The following NCAN variants were observed in gnomAD, a reference collection of about 807,000 sequenced individuals.
NCAN encodes neurocan core protein.
A neutral mutation model predicts 121.8 loss-of-function variants in NCAN; 47 were observed. The observed-to-expected ratio is 0.39, with a 90% CI of 0.31 to 0.49. The LOEUF (loss-of-function observed/expected upper bound fraction) is 0.49, where lower values mean the gene tolerates loss of function less well. Ranked by LOEUF, NCAN falls within the 20% of genes least tolerant of loss-of-function variation. The probability of loss-of-function intolerance (pLI) is 0.92; values close to 1 mark genes in which losing one functional copy is unlikely to be tolerated. For synonymous variants in NCAN, 633 were observed against 702.0 expected (o/e 0.90, Z 1.55); for missense variants, 1,517 against 1,773.4 (o/e 0.86, Z 2.60).
chr19:19,228,371 G>A lies in NCAN; in HGVS notation c.2751G>A (p.Pro917=), dbSNP rs764591928. 3.0e-5 allele frequency: 49 copies of A among 1,613,700 alleles called. No homozygotes were observed. Among genetic ancestry groups the A allele is most frequent in the East Asian group, 2.0e-4 (9 of 44,898 alleles). ...GAACATCAGGAGCTTCAGTGCCTCC[G>A]CATCAGAGCAGTCCCCTAGGGAAAC... ...TQGTSGASVP[P]HQSSPLGKPA... The change falls in exon 8 of 15, where the codon CCG becomes CCA. Residue 917 remains proline (P), a synonymous_variant. Transcript: ENST00000252575.
intron 3 of NCAN, among the ~76,000 whole-genome samples, chr19:19,220,350 A>C (rs1209797508): frequency 6.6e-6 from 1 of 151,706 alleles, no homozygotes; most frequent in African/African-American, 2.4e-5. Flanking sequence ...AATAAACTTA[A>C]GTTTTTTTCT....
chr19:19,235,618 C>G (rs1412565292), intron 10 of NCAN, among the ~76,000 whole-genome samples: 3 of 151,096 alleles, frequency 2.0e-5, no homozygotes, highest in African/African-American at 7.3e-5. Context: ...CGCTCTGTCA[C>G]CAGGCTGGAA....
chr19:19,240,290 T>C (rs1274773224), intron 11 of NCAN, among the ~76,000 whole-genome samples: 4 of 151,182 alleles, frequency 2.6e-5, no homozygotes, highest in Non-Finnish European at 4.4e-5. Flanking sequence ...TCTCCTTCCC[T>C]CTCCACCTCA....
chr19:19,238,217 G>A, intron 10 of NCAN, 36 bp from the exon 11 acceptor site: 1 of 1,613,100 alleles, frequency 6.2e-7, no homozygotes, highest in Non-Finnish European at 8.5e-7. Context: ...TTGGGCCAAG[G>A]CCAGCCCCCC....
chr19:19,223,829 A>G lies in NCAN; in HGVS notation c.476-192A>G, dbSNP rs553266693. ...TGCTAACTTGTAACCCTTTATGGCCATTGTTATCAGTTTCCTCATCTGTAA... is the reference window on the plus strand; with the variant it reads ...TGCTAACTTGTAACCCTTTATGGCCGTTGTTATCAGTTTCCTCATCTGTAA... On this transcript the variant is annotated intron_variant, in intron 3 of 14. Coordinates refer to ENST00000252575, the MANE Select transcript of NCAN (RefSeq NM_004386.3). Among the ~76,000 whole-genome samples the G allele has an allele frequency of 1.4e-4, 21 of 152,208 alleles. No homozygotes were observed. The South Asian group carries it at 3.5e-3, about 26-fold the overall frequency.
intron 10 of NCAN, among the ~76,000 whole-genome samples, chr19:19,236,999 C>T (rs2146550878): frequency 6.6e-6 from 1 of 152,174 alleles, no homozygotes; most frequent in South Asian, 2.1e-4. Flanking sequence ...ACTACAACCT[C>T]CACCTCCCGG....
chr19:19,226,844 T>C lies in NCAN; in HGVS notation c.1431T>C (p.Pro477=). ...AGGTGGCCCCAACTGACCCTATGCC[T>C]AGGAGAAGGGGGCGCTTCAAAGGGT... ...HTEVAPTDPM[P]RRRGRFKGLN... Residue 477 remains proline, a synonymous_variant, in exon 7 of 15, where the codon CCT becomes CCC. Transcript: ENST00000252575. The C allele has an allele frequency of 6.2e-7, 1 of 1,613,140 alleles. No individual in the cohort carries two copies. The highest frequency in any genetic ancestry group is 8.5e-7 in the Non-Finnish European group (1 of 1,179,898).
chr19:19,212,021 T>A lies in NCAN; in HGVS notation c.-51T>A. ...GGCTGAGTCGGAGCGCAGCGTCCTT[T>A]GTGCCCGGCGGCCGCCCCGGGATGC... On this transcript the variant is annotated 5_prime_UTR_variant, in exon 1 of 15. Transcript: ENST00000252575. This position sits in a 1 kb window ranked among gnomAD's most constrained non-coding sequence, Gnocchi z 4.5. 1 of 214,124 alleles carries A rather than the reference T, an allele frequency of 4.7e-6. No homozygotes were observed. The highest frequency in any genetic ancestry group is 4.2e-5 in the South Asian group (1 of 23,802). The allele number at this position is 214,124 out of a possible 1,614,324, so 13.3% of individuals were successfully genotyped here.
chr19:19,224,284 G>A (rs2060827073), intron 4 of NCAN, 22 bp from the exon 5 acceptor site: 1 of 1,609,102 alleles, frequency 6.2e-7, no homozygotes, highest in Non-Finnish European at 8.5e-7. Context: ...ATCTGAGAGG[G>A]ACCCTCCCCT....
At chr19:19,242,809 T>A (rs1599823104) in intron 12 of NCAN, among the ~76,000 whole-genome samples, 1 of 152,186 alleles carries the variant, frequency 6.6e-6, no homozygotes, top group East Asian at 1.9e-4. Flanking sequence ...CAAAATGTGG[T>A]CCATCCATGC....
At chr19:19,245,003 G>A (rs1401824753) in intron 12 of NCAN, among the ~76,000 whole-genome samples, 1 of 152,074 alleles carries the variant, frequency 6.6e-6, no homozygotes. Context: ...TGAGCCACCA[G>A]GCCTGGCCTT....
chr19:19,216,156 G>GTGTTT (rs773468987), intron 1 of NCAN, among the ~76,000 whole-genome samples: 3 of 152,174 alleles, frequency 2.0e-5, no homozygotes, highest in Admixed American at 6.6e-5. Flanking sequence ...TTGTTGTGTT[G>GTGTTT]TGTTTTGTTT....
In NCAN at chr19:19,233,376, C is replaced by T. The variant is rs182026378; in HGVS notation, c.3020-413C>T. Among the ~76,000 whole-genome samples the T allele has an allele frequency of 2.6e-5, 4 of 152,044 alleles. No homozygotes were observed. In the East Asian group the frequency reaches 5.8e-4, roughly 22 times the overall value. On this transcript the variant is annotated intron_variant, in intron 8 of 14. Transcript: ENST00000252575. Reference sequence around the variant, plus strand: ...TGTCACCCAGGCTAGAACCTATGTCCACTCCTGTGCCCCAATTCATGAGAA... The same window carrying T: ...TGTCACCCAGGCTAGAACCTATGTCTACTCCTGTGCCCCAATTCATGAGAA...
At position 19,212,097 on chromosome 19, in the gene NCAN, A is replaced by G; in HGVS notation, c.-8+33A>G. On this transcript the variant is annotated intron_variant, in intron 1 of 14. Coordinates refer to ENST00000252575, the MANE Select transcript of NCAN (RefSeq NM_004386.3). The surrounding 1 kb of genome is among the most constrained non-coding windows in gnomAD (Gnocchi z 4.5). ...ATCCGTGAGGGGGCCGTGTTGCGGGAGAAGACTTCGGGATTAGAGACAGAG... is the reference window on the plus strand; with the variant it reads ...ATCCGTGAGGGGGCCGTGTTGCGGGGGAAGACTTCGGGATTAGAGACAGAG... The G allele has an allele frequency of 5.4e-6, 1 of 184,138 alleles. No homozygotes were observed. Among genetic ancestry groups the G allele is most frequent in the Non-Finnish European group, 1.2e-5 (1 of 83,418 alleles). The allele number at this position is 184,138 out of a possible 1,614,324, so 11.4% of individuals were successfully genotyped here.
intron 10 of NCAN, 38 bp downstream of exon 10, chr19:19,235,134 G>T (rs2060876199): frequency 7.0e-7 from 1 of 1,430,512 alleles, no homozygotes; most frequent in Non-Finnish European, 9.8e-7. Flanking sequence ...AGTACCAAGA[G>T]TGGGGTTGGG....
At chr19:19,237,634 C>T (rs1266556351) in intron 10 of NCAN, among the ~76,000 whole-genome samples, 3 of 152,028 alleles carry the variant, frequency 2.0e-5, no homozygotes, top group African/African-American at 7.2e-5. Flanking sequence ...GTCTGAGCTC[C>T]CATGTCCATA....
intron 3 of NCAN, among the ~76,000 whole-genome samples, chr19:19,221,502 A>G (rs916145168): frequency 6.6e-6 from 1 of 151,818 alleles, no homozygotes; most frequent in Non-Finnish European, 1.5e-5. Context: ...CAGGAGGTGG[A>G]GGTTGAGGTG....
In NCAN at chr19:19,225,510, C is replaced by A. The variant is rs1346309626; in HGVS notation, c.1072+240C>A. Among the ~76,000 whole-genome samples the A allele has an allele frequency of 6.6e-6, 1 of 152,220 alleles. No homozygotes were observed. The highest frequency in any genetic ancestry group is 1.5e-5 in the Non-Finnish European group (1 of 68,032). ...AGAGGAGGCCACTCTGGTGGGGAGTCACCTTTGCTGGGTGGGCTGTATCTC... is the reference window on the plus strand; with the variant it reads ...AGAGGAGGCCACTCTGGTGGGGAGTAACCTTTGCTGGGTGGGCTGTATCTC... On this transcript the variant is annotated intron_variant, in intron 6 of 14. Coordinates refer to ENST00000252575, the MANE Select transcript of NCAN (RefSeq NM_004386.3). This position sits in a 1 kb window ranked among gnomAD's most constrained non-coding sequence, Gnocchi z 4.0.
rs776859152 is a variant in NCAN, at chr19:19,228,654, C to A, written c.3019+15C>A. 1.3e-6 allele frequency: 2 copies of A among 1,594,080 alleles called. No individual in the cohort carries two copies. Among genetic ancestry groups the A allele is most frequent in the Non-Finnish European group, 1.7e-6 (2 of 1,168,450 alleles). On this transcript the variant is annotated intron_variant, in intron 8 of 14. Coordinates refer to ENST00000252575, the MANE Select transcript of NCAN (RefSeq NM_004386.3). ...TGCGGAGGAGGGTGAGTACAAAGTC[C>A]CGGGGCTCTGTCCAGCTCTCCATGG...
Sources: allele counts gnomAD v4.1 joint callset (sites outside exome capture counted in the v4.1 genomes callset), GRCh38; gene constraint gnomAD v4.1.1; non-coding constraint Gnocchi (gnomAD v3.1); transcripts MANE v1.5; gene names NCBI Gene and HGNC (gene_info 2026-07-23, HGNC 2026-07-21).